Variants in ADK observed in about 807,000 individuals in gnomAD.
The protein encoded by ADK is adenosine kinase.
ADK carries 24 observed loss-of-function variants against 44.7 expected under a neutral mutation model. The ratio of observed to expected loss-of-function variants is 0.54; its 90% CI spans 0.39 to 0.76. ADK has a LOEUF of 0.76. Among genes scored for constraint, ADK ranks in the 30% least tolerant of loss-of-function variants. The probability of loss-of-function intolerance (pLI) is 0.00; values close to 1 mark genes in which losing one functional copy is unlikely to be tolerated. For synonymous variants in ADK, 128 were observed against 142.6 expected, an observed-to-expected ratio of 0.90 and a Z score of 0.73; for missense variants, 321 against 425.1, an observed-to-expected ratio of 0.76 and a Z score of 2.15.
intron 9 of ADK, among the ~76,000 whole-genome samples, chr10:74,660,632 A>C (rs1421598008): frequency 1.3e-5 from 2 of 150,302 alleles, no homozygotes; most frequent in African/African-American, 2.4e-5. Context: ...TGGGAGTCTG[A>C]GATAGGAGGA....
intron 10 of ADK, among the ~76,000 whole-genome samples, chr10:74,703,842 T>A (rs1856513805): frequency 6.6e-6 from 1 of 152,160 alleles, no homozygotes; most frequent in Non-Finnish European, 1.5e-5. Context: ...TCCTCTCAAA[T>A]AGTTCAGGGA....
At chr10:74,466,913 A>G (rs1846377479) in intron 6 of ADK, among the ~76,000 whole-genome samples, 1 of 152,256 alleles carries the variant, frequency 6.6e-6, no homozygotes, top group East Asian at 1.9e-4. Flanking sequence ...CACTTTAACA[A>G]ATCTAGATAA....
chr10:74,328,165 T>G (rs890458239), intron 4 of ADK, among the ~76,000 whole-genome samples: 1 of 152,222 alleles, frequency 6.6e-6, no homozygotes, highest in Non-Finnish European at 1.5e-5. Context: ...TGCCTCGGCC[T>G]CCCGAAGTGC....
chr10:74,630,306 G>A (rs974751173), intron 9 of ADK, among the ~76,000 whole-genome samples: 8 of 150,412 alleles, frequency 5.3e-5, no homozygotes, highest in African/African-American at 2.0e-4. Flanking sequence ...ACCTTTTTCA[G>A]ATGTTCCCAA....
At chr10:74,339,984 A>T (rs147037803) in intron 4 of ADK, among the ~76,000 whole-genome samples, 1 of 152,314 alleles carries the variant, frequency 6.6e-6, no homozygotes, top group East Asian at 1.9e-4. Context: ...AAGAAGCCAG[A>T]GGCCAAAAGT....
At chr10:74,704,344 G>A (rs1450117260) in intron 10 of ADK, among the ~76,000 whole-genome samples, 3 of 152,018 alleles carry the variant, frequency 2.0e-5, no homozygotes, top group Admixed American at 6.6e-5. Context: ...TTTATGTTAC[G>A]TATATTTTTC....
intron 7 of ADK, among the ~76,000 whole-genome samples, chr10:74,587,393 G>A (rs776693678): frequency 6.6e-6 from 1 of 152,182 alleles, no homozygotes; most frequent in Non-Finnish European, 1.5e-5. Flanking sequence ...ATAGCGTAAG[G>A]AGTTGTACTT....
intron 2 of ADK, among the ~76,000 whole-genome samples, chr10:74,205,040 C>CAAAAAAAAA (rs60670688): frequency 1.2e-4 from 6 of 51,644 alleles, no homozygotes; most frequent in African/African-American, 3.0e-4. Flanking sequence ...CACTCTGTCT[C>CAAAAAAAAA]AAAAAAAAAA....
chr10:74,485,482 TAAATA>T (rs1315372791), intron 6 of ADK, among the ~76,000 whole-genome samples: 70 of 149,790 alleles, frequency 4.7e-4, no homozygotes, highest in African/African-American at 1.6e-3. Flanking sequence ...AATAAATAAA[TAAATA>T]AATAAATAAA....
At chr10:74,570,782 C>G (rs1475248630) in intron 7 of ADK, among the ~76,000 whole-genome samples, 1 of 152,040 alleles carries the variant, frequency 6.6e-6, no homozygotes, top group Non-Finnish European at 1.5e-5. Flanking sequence ...CCTTTATTTC[C>G]TTCTCCTGCC....
chr10:74,675,013 A>C (rs549434003), intron 10 of ADK, among the ~76,000 whole-genome samples: 89 of 152,146 alleles, frequency 5.8e-4, no homozygotes, highest in Non-Finnish European at 1.1e-3. Context: ...CCCAATTAAC[A>C]TATCTTCTTT....
intron 4 of ADK, among the ~76,000 whole-genome samples, chr10:74,364,245 T>C (rs1043558509): frequency 6.6e-6 from 1 of 152,226 alleles, no homozygotes; most frequent in Non-Finnish European, 1.5e-5. Flanking sequence ...GTTCTCTTCT[T>C]GATCTTTGCT....
At chr10:74,564,967 C>A (rs565501021) in intron 7 of ADK, among the ~76,000 whole-genome samples, 1 of 152,154 alleles carries the variant, frequency 6.6e-6, no homozygotes, top group Non-Finnish European at 1.5e-5. Flanking sequence ...ACATGAACAT[C>A]TTGGCCAAGG....
intron 3 of ADK, among the ~76,000 whole-genome samples, chr10:74,253,731 G>T (rs1845728503): frequency 1.3e-5 from 2 of 148,904 alleles, no homozygotes; most frequent in Non-Finnish European, 3.0e-5. Context: ...AAGTTATAAA[G>T]AAGTTATAAA....
intron 9 of ADK, among the ~76,000 whole-genome samples, chr10:74,651,568 CT>C (rs959261862): frequency 6.6e-6 from 1 of 151,532 alleles, no homozygotes; most frequent in Non-Finnish European, 1.5e-5. Flanking sequence ...ACATTTCTTT[CT>C]TTTTTTTTAT....
chr10:74,157,877 G>A (rs901191350), intron 1 of ADK, among the ~76,000 whole-genome samples: 8 of 152,180 alleles, frequency 5.3e-5, no homozygotes, highest in Non-Finnish European at 8.8e-5. Context: ...GGGCAACAGC[G>A]CAACTCCATA....
intron 10 of ADK, among the ~76,000 whole-genome samples, chr10:74,691,641 A>G (rs1042533221): frequency 6.6e-6 from 1 of 152,204 alleles, no homozygotes; most frequent in African/African-American, 2.4e-5. Context: ...AGTCTGAGGT[A>G]AATTCTCCAT....
intron 4 of ADK, among the ~76,000 whole-genome samples, chr10:74,319,074 G>A (rs1840726355): frequency 6.6e-6 from 1 of 152,084 alleles, no homozygotes; most frequent in African/African-American, 2.4e-5. Flanking sequence ...AAACATAAAA[G>A]TAAAAATATT....
Position 74,187,153 on chromosome 10 carries a change from A to G in ADK, c.66-13611A>G, listed in dbSNP as rs539157586. ...TCTCCTGAGTGTGTACTTGTATTTCATCATGGTTTTTGTTTATATTTCCTT... is the reference window on the plus strand; with the variant it reads ...TCTCCTGAGTGTGTACTTGTATTTCGTCATGGTTTTTGTTTATATTTCCTT... On this transcript the variant is annotated intron_variant, in intron 1 of 10. Coordinates refer to ENST00000539909, the MANE Select transcript of ADK (RefSeq NM_006721.4). Among the ~76,000 whole-genome samples the G allele has an allele frequency of 1.9e-4, 29 of 152,040 alleles. No homozygotes were observed. In the South Asian group the frequency reaches 3.3e-3, roughly 17 times the overall value.
Sources: gnomAD v4.1 joint callset for allele counts (sites outside exome capture counted in the v4.1 genomes callset) on GRCh38, gnomAD v4.1.1 for gene constraint, MANE v1.5 for transcripts, NCBI Gene and HGNC (gene_info 2026-07-23, HGNC 2026-07-21) for gene names.